The following CHSY1 variants were observed in gnomAD, a reference collection of about 807,000 sequenced individuals.
The protein encoded by CHSY1 is chondroitin sulfate synthase 1.
A neutral mutation model predicts 59.8 loss-of-function variants in CHSY1; 13 were observed. The observed-to-expected ratio is 0.22, with a 90% CI of 0.14 to 0.35. The LOEUF (loss-of-function observed/expected upper bound fraction) is 0.35. CHSY1 is among the 10% of genes least tolerant of loss of function. CHSY1 has a pLI of 1.00. For missense variants in CHSY1, 947 were observed against 1,030.6 expected (o/e 0.92, Z 1.11); for synonymous variants, 459 against 401.2 (o/e 1.14, Z -1.72).
intron 2 of CHSY1, among the ~76,000 whole-genome samples, chr15:101,224,987 T>TC (rs1222499202): frequency 6.6e-6 from 1 of 152,226 alleles, no homozygotes; most frequent in Non-Finnish European, 1.5e-5. Flanking sequence ...AGAAACCCAG[T>TC]CACCTTTACA....
intron 1 of CHSY1, among the ~76,000 whole-genome samples, chr15:101,237,782 A>G (rs2038962081): frequency 6.6e-6 from 1 of 152,262 alleles, no homozygotes; most frequent in Non-Finnish European, 1.5e-5. Context: ...TAATTCATTC[A>G]TACAGACTAC....
chr15:101,210,634 A>C (rs915967443), intron 2 of CHSY1, among the ~76,000 whole-genome samples: 3 of 152,220 alleles, frequency 2.0e-5, no homozygotes, highest in Non-Finnish European at 4.4e-5. Context: ...AAATAGACCA[A>C]GTCTTAGAAA....
rs762476576 is a variant in CHSY1 at position 101,178,717 on chromosome 15, G to C, written c.1080C>G (p.Pro360=). 2 of 1,614,248 alleles carry C rather than the reference G, an allele frequency of 1.2e-6. No individual in the cohort carries two copies. The highest frequency in any genetic ancestry group is 1.7e-6 in the Non-Finnish European group (2 of 1,180,042). Residue 360 remains proline (P), a synonymous_variant, in exon 3 of 3, where the codon CCC becomes CCG. Coordinates refer to ENST00000254190, the MANE Select transcript of CHSY1 (RefSeq NM_014918.5). ...HKEDLQLGIP[P]SFMRFQPRQR... The stretch of plus-strand genomic sequence containing the variant: ...GGCGGGGCTGAAACCTCATGAAGGA[G>C]GGAGGGATTCCCAGCTGGAGGTCCT...
chr15:101,239,709 C>T (rs765058987), intron 1 of CHSY1, among the ~76,000 whole-genome samples: 8 of 111,890 alleles, frequency 7.1e-5, no homozygotes, highest in Non-Finnish European at 1.4e-4. Context: ...GTGGAAAATG[C>T]TTCTTAAAAC....
intron 2 of CHSY1, among the ~76,000 whole-genome samples, chr15:101,213,376 G>C (rs1263350397): frequency 7.0e-6 from 1 of 142,446 alleles, no homozygotes; most frequent in African/African-American, 2.6e-5. Context: ...CTTACCATTA[G>C]ACAAATGGTA....
At chr15:101,200,158 A>G (rs1260803743) in intron 2 of CHSY1, among the ~76,000 whole-genome samples, 1 of 152,254 alleles carries the variant, frequency 6.6e-6, no homozygotes, top group East Asian at 1.9e-4. Flanking sequence ...TCTAGGTTGA[A>G]TAAGACGAAA....
chr15:101,197,272 T>A (rs544790533), intron 2 of CHSY1, among the ~76,000 whole-genome samples: 3 of 152,250 alleles, frequency 2.0e-5, no homozygotes, highest in Non-Finnish European at 4.4e-5. Flanking sequence ...TATATTTGAC[T>A]GGAAGCCCAT....
rs903552261 is a variant in CHSY1 at position 101,176,713 on chromosome 15, T to A, written c.*675A>T. 1 of 259,142 alleles carries A rather than the reference T, an allele frequency of 3.9e-6. No homozygotes were observed. The highest frequency in any genetic ancestry group is 7.2e-6 in the Non-Finnish European group (1 of 139,246). 16.1% of individuals were successfully genotyped at this position (259,142 alleles called of 1,614,324 possible). A position where few individuals can be genotyped will look rare whatever the true frequency, so the allele number is the denominator to read the frequency against. ...CGGGAGGCAAAGGCAGGGGAATTGC[T>A]TGAACCAGGGAAGTGGAGGTTAAAG... On this transcript the variant is annotated 3_prime_UTR_variant, in exon 3 of 3. Transcript: ENST00000254190.
At chr15:101,215,386 A>C (rs2038721299) in intron 2 of CHSY1, among the ~76,000 whole-genome samples, 1 of 152,246 alleles carries the variant, frequency 6.6e-6, no homozygotes, top group South Asian at 2.1e-4. Context: ...TACAAAGTTT[A>C]ACAGCTACTG....
chr15:101,208,130 C>CCTTTGGTT (rs1430263994), intron 2 of CHSY1, among the ~76,000 whole-genome samples: 1 of 152,110 alleles, frequency 6.6e-6, no homozygotes, highest in Non-Finnish European at 1.5e-5. Context: ...GAGGAAGAAC[C>CCTTTGGTT]CTTTGGGGTT....
chr15:101,236,670 AC>A (rs2038946649), intron 1 of CHSY1, among the ~76,000 whole-genome samples: 1 of 151,748 alleles, frequency 6.6e-6, no homozygotes, highest in African/African-American at 2.4e-5. Flanking sequence ...AAATACAAAA[AC>A]AAAATTAGCC....
chr15:101,200,457 GA>G (rs1232824331), intron 2 of CHSY1, among the ~76,000 whole-genome samples: 1 of 152,202 alleles, frequency 6.6e-6, no homozygotes, highest in Non-Finnish European at 1.5e-5. Context: ...GTTTGGACCA[GA>G]AAAGTCACAA....
intron 2 of CHSY1, among the ~76,000 whole-genome samples, chr15:101,214,073 GC>G (rs958086159): frequency 3.9e-5 from 6 of 152,198 alleles, no homozygotes; most frequent in African/African-American, 9.7e-5. Flanking sequence ...GGCTGGTGGG[GC>G]AAAAGCCTGT....
intron 1 of CHSY1, among the ~76,000 whole-genome samples, chr15:101,235,972 G>A (rs1481156420): frequency 6.6e-6 from 1 of 152,138 alleles, no homozygotes; most frequent in Non-Finnish European, 1.5e-5. Flanking sequence ...TTTGAACCAA[G>A]TGCCAAGTAT....
intron 1 of CHSY1, among the ~76,000 whole-genome samples, chr15:101,243,367 T>C (rs1407075545): frequency 6.6e-6 from 1 of 152,208 alleles, no homozygotes; most frequent in Non-Finnish European, 1.5e-5. Flanking sequence ...ATGCGACTAA[T>C]ACTTAATGAT....
chr15:101,188,820 A>G (rs1218667149), intron 2 of CHSY1, among the ~76,000 whole-genome samples: 1 of 152,250 alleles, frequency 6.6e-6, no homozygotes, highest in South Asian at 2.1e-4. Context: ...CCATGTCTAC[A>G]TCATCAGCAG....
intron 2 of CHSY1, among the ~76,000 whole-genome samples, chr15:101,228,936 T>C (rs2038867172): frequency 6.6e-6 from 1 of 152,228 alleles, no homozygotes; most frequent in South Asian, 2.1e-4. Context: ...CGTATAAAGA[T>C]ATAATTTATT....
chr15:101,225,195 G>A (rs1261374909), intron 2 of CHSY1, among the ~76,000 whole-genome samples: 2 of 151,884 alleles, frequency 1.3e-5, no homozygotes, highest in African/African-American at 4.8e-5. Flanking sequence ...CACCTCCAAA[G>A]TAGCTAGGAC....
At chr15:101,199,260 T>C (rs576573248) in intron 2 of CHSY1, among the ~76,000 whole-genome samples, 2 of 152,294 alleles carry the variant, frequency 1.3e-5, no homozygotes, top group Admixed American at 6.5e-5. Context: ...TCCCTGCACT[T>C]TGGGAGGCCG....
Sources: gnomAD v4.1 joint callset for allele counts (sites outside exome capture counted in the v4.1 genomes callset) on GRCh38, gnomAD v4.1.1 for gene constraint, MANE v1.5 for transcripts, NCBI Gene and HGNC (gene_info 2026-07-23, HGNC 2026-07-21) for gene names.